AP3B1: variants seen among roughly 807,000 people sequenced by gnomAD.
AP3B1 encodes adaptor related protein complex 3 subunit beta 1, also known as AP-3 complex subunit beta-1.
A neutral mutation model predicts 132.5 loss-of-function variants in AP3B1; 61 were observed. The ratio of observed to expected loss-of-function variants is 0.46; its 90% CI spans 0.37 to 0.57. The LOEUF (loss-of-function observed/expected upper bound fraction) is 0.57. Among genes scored for constraint, AP3B1 ranks in the 20% least tolerant of loss-of-function variants. The pLI is 0.00. For synonymous variants in AP3B1, 388 were observed against 438.3 expected, an observed-to-expected ratio of 0.89 and a Z score of 1.43; for missense variants, 1,120 against 1,289.4, an observed-to-expected ratio of 0.87 and a Z score of 2.01.
At chr5:78,263,093 T>C (rs935255924) in intron 2 of AP3B1, among the ~76,000 whole-genome samples, 2 of 152,218 alleles carry the variant, frequency 1.3e-5, no homozygotes, top group Non-Finnish European at 2.9e-5. Context: ...AGGAATTGCA[T>C]TGAATATACA....
intron 22 of AP3B1, among the ~76,000 whole-genome samples, chr5:78,071,397 G>A (rs1185333232): frequency 2.0e-5 from 3 of 152,142 alleles, no homozygotes; most frequent in African/African-American, 7.2e-5. Flanking sequence ...AACACCCACT[G>A]GGGCCTGTCA....
intron 19 of AP3B1, among the ~76,000 whole-genome samples, chr5:78,111,662 C>T (rs955886608): frequency 3.3e-5 from 5 of 152,080 alleles, no homozygotes; most frequent in Non-Finnish European, 7.4e-5. Context: ...TGACCAAACA[C>T]CCTTCTCTCA....
chr5:78,087,428 A>G, intron 22 of AP3B1: 1 of 623,324 alleles, frequency 1.6e-6, no homozygotes, highest in Non-Finnish European at 2.0e-6. Flanking sequence ...TCTGCAGTAG[A>G]ATATTCAGTT....
chr5:78,078,029 T>C (rs1213856573), intron 22 of AP3B1, among the ~76,000 whole-genome samples: 1 of 152,194 alleles, frequency 6.6e-6, no homozygotes, highest in South Asian at 2.1e-4. Context: ...CCATTACCCA[T>C]AACCTGATGG....
chr5:78,076,592 T>G lies in AP3B1; in HGVS notation c.2577+12801A>C, dbSNP rs142127471. 7.9e-3 allele frequency among the ~76,000 whole-genome samples: 1,209 copies of G among 152,212 alleles called. 17 individuals carry two copies. Among genetic ancestry groups the G allele is most frequent in the African/African-American group, 0.022 (934 of 41,516 alleles). ...TAACTCAGGATAAGGCTGGCCAAGA[T>G]AGAAAGACCAACCATGTGATTAGAG... On this transcript the variant is annotated intron_variant, in intron 22 of 26. Coordinates refer to ENST00000255194, the MANE Select transcript of AP3B1 (RefSeq NM_003664.5).
chr5:78,130,316 TA>T (rs1315246505), intron 15 of AP3B1, among the ~76,000 whole-genome samples: 1 of 151,958 alleles, frequency 6.6e-6, no homozygotes, highest in Non-Finnish European at 1.5e-5. Context: ...TAGAAGCAGA[TA>T]AAAAATAAAA....
At chr5:78,259,346 T>C (rs1747985149) in intron 2 of AP3B1, among the ~76,000 whole-genome samples, 1 of 150,352 alleles carries the variant, frequency 6.7e-6, no homozygotes, top group Admixed American at 6.6e-5. Flanking sequence ...ACATAGAGAG[T>C]AGAAGGATGG....
At chr5:78,177,819 G>A (rs950910328) in intron 8 of AP3B1, among the ~76,000 whole-genome samples, 6 of 152,108 alleles carry the variant, frequency 3.9e-5, no homozygotes, top group South Asian at 2.1e-4. Flanking sequence ...GCAATGCCAC[G>A]GATTGCTGGC....
Position 78,171,812 on chromosome 5 carries a change from G to C in AP3B1, c.1167+3814C>G, listed in dbSNP as rs1405760303. Among the ~76,000 whole-genome samples, 4 of 152,296 alleles carry C rather than the reference G, an allele frequency of 2.6e-5. No homozygotes were observed. In the South Asian group the frequency reaches 6.2e-4, roughly 24 times the overall value. On this transcript the variant is annotated intron_variant, in intron 11 of 26. Transcript: ENST00000255194. Reference sequence around the variant, plus strand: ...TGGTGAGAGAGGGCATAATTGTCTTGTGCCAGTTTTCAAAGGGAATGTTTC... The same window carrying C: ...TGGTGAGAGAGGGCATAATTGTCTTCTGCCAGTTTTCAAAGGGAATGTTTC...
At chr5:78,142,628 A>G (rs1316793079) in intron 14 of AP3B1, among the ~76,000 whole-genome samples, 1 of 141,596 alleles carries the variant, frequency 7.1e-6, no homozygotes, top group African/African-American at 2.7e-5. Context: ...ATGAAATTAT[A>G]TAAAAATATT....
chr5:78,061,818 T>C (rs1749074172), intron 22 of AP3B1, among the ~76,000 whole-genome samples: 1 of 152,130 alleles, frequency 6.6e-6, no homozygotes, highest in African/African-American at 2.4e-5. Flanking sequence ...GATTTTAGAG[T>C]CCATCCAGCC....
intron 24 of AP3B1, among the ~76,000 whole-genome samples, chr5:78,031,813 C>T (rs1277913609): frequency 1.3e-5 from 2 of 152,154 alleles, no homozygotes; most frequent in African/African-American, 4.8e-5. Flanking sequence ...CAGCTAATGG[C>T]ATCTGTTCTT....
chr5:78,035,896 G>A (rs1747790265), intron 23 of AP3B1, among the ~76,000 whole-genome samples: 1 of 152,092 alleles, frequency 6.6e-6, no homozygotes, highest in Admixed American at 6.6e-5. Context: ...GCTGTCAACA[G>A]TTTAGAGCTT....
At chr5:78,134,148 T>C (rs373375858) in intron 15 of AP3B1, among the ~76,000 whole-genome samples, 1 of 65,780 alleles carries the variant, frequency 1.5e-5, no homozygotes, top group Non-Finnish European at 2.9e-5. Flanking sequence ...AAGACTCGCC[T>C]CAAAAAAAAA....
chr5:78,149,889 G>C (rs899291819), intron 14 of AP3B1, among the ~76,000 whole-genome samples: 2 of 151,950 alleles, frequency 1.3e-5, no homozygotes, highest in Non-Finnish European at 2.9e-5. Context: ...TGAGAGATGG[G>C]GTGGAAGTTC....
At chr5:78,118,370 T>C (rs564513082) in intron 17 of AP3B1, among the ~76,000 whole-genome samples, 96 of 152,330 alleles carry the variant, frequency 6.3e-4, no homozygotes, top group African/African-American at 2.3e-3. Flanking sequence ...CGGAGCAGGA[T>C]GAGGCATTGC....
chr5:78,090,355 T>G (rs927808487), intron 21 of AP3B1, among the ~76,000 whole-genome samples: 1 of 152,244 alleles, frequency 6.6e-6, no homozygotes, highest in Non-Finnish European at 1.5e-5. Context: ...ACTGGACTAT[T>G]CAGGTCCAGC....
intron 23 of AP3B1, among the ~76,000 whole-genome samples, chr5:78,035,088 T>C (rs1490777013): frequency 6.6e-6 from 1 of 151,918 alleles, no homozygotes; most frequent in Non-Finnish European, 1.5e-5. Context: ...AGATTTGGAA[T>C]TTCAGAAGCT....
chr5:78,134,533 G>GTTTCTTTC (rs548066386), intron 15 of AP3B1, among the ~76,000 whole-genome samples: 2 of 151,756 alleles, frequency 1.3e-5, no homozygotes, highest in African/African-American at 4.8e-5. Context: ...CATCTAATTA[G>GTTTCTTTC]TTTCTTTCTT....
Sources: allele counts gnomAD v4.1 joint callset (sites outside exome capture counted in the v4.1 genomes callset), GRCh38; gene constraint gnomAD v4.1.1; transcripts MANE v1.5; gene names NCBI Gene and HGNC (gene_info 2026-07-23, HGNC 2026-07-21).